The following RASA2 variants were observed in gnomAD, a reference collection of about 807,000 sequenced individuals.
RASA2 encodes the protein RAS p21 protein activator 2, also known as ras GTPase-activating protein 2.
A neutral mutation model predicts 118.2 loss-of-function variants in RASA2; 155 were observed. That is an observed-to-expected ratio of 1.31 (90% CI 1.15 to 1.50). The LOEUF is 1.50. Ranked by LOEUF, RASA2 falls within the 40% of genes most tolerant of loss-of-function variation. The probability of loss-of-function intolerance (pLI) is 0.00; values close to 1 mark genes in which losing one functional copy is unlikely to be tolerated. For synonymous variants in RASA2, 353 were observed against 349.1 expected (o/e 1.01, Z -0.12); for missense variants, 1,016 against 1,009.6 (o/e 1.01, Z -0.09).
At chr3:141,531,479 T>C (rs1172271782) in intron 4 of RASA2, among the ~76,000 whole-genome samples, 2 of 151,520 alleles carry the variant, frequency 1.3e-5, no homozygotes, top group African/African-American at 4.8e-5. Context: ...TATATGCATA[T>C]ATATGTATAT....
intron 3 of RASA2, among the ~76,000 whole-genome samples, chr3:141,523,662 T>C (rs1379923073): frequency 6.6e-6 from 1 of 152,134 alleles, no homozygotes; most frequent in Non-Finnish European, 1.5e-5. Flanking sequence ...ATTCAAGAGC[T>C]CAAACAAGTA....
At chr3:141,520,002 T>C (rs2082087149) in intron 3 of RASA2, among the ~76,000 whole-genome samples, 1 of 145,862 alleles carries the variant, frequency 6.9e-6, no homozygotes. Context: ...CTTTTCTTTT[T>C]CTTTTTCTCT....
intron 19 of RASA2, chr3:141,600,521 C>A: frequency 3.3e-6 from 1 of 305,282 alleles, no homozygotes. Context: ...GCCATGTCAT[C>A]GTAGTGCTCT....
intron 22 of RASA2, 109 bp downstream of exon 22, chr3:141,609,632 G>T: frequency 1.1e-6 from 1 of 922,230 alleles, no homozygotes; most frequent in Non-Finnish European, 1.5e-6. Context: ...TTACCAAAAT[G>T]TTATTTATTG....
Position 141,487,050 on chromosome 3 carries a change from G to GGCGGCAGGGCT in RASA2, c.-27_-17dup, listed in dbSNP as rs1402343142. The GGCGGCAGGGCT allele has an allele frequency of 3.4e-4, 414 of 1,200,922 alleles. 1 individual carries two copies. Among genetic ancestry groups the GGCGGCAGGGCT allele is most frequent in the Non-Finnish European group, 4.0e-4 (384 of 963,372 alleles). 74.4% of individuals were successfully genotyped at this position (1,200,922 alleles called of 1,614,324 possible). A position where few individuals can be genotyped will look rare whatever the true frequency, so the allele number is the denominator to read the frequency against. On this transcript the variant is annotated 5_prime_UTR_variant, in exon 1 of 24. Transcript: ENST00000286364. ...GGGCTCCGCCTCGCCCGGCTACGCA[G>GGCGGCAGGGCT]GCGGCAGGGCTGCGGCACGGGCCGG...
intron 1 of RASA2, among the ~76,000 whole-genome samples, chr3:141,502,718 A>G (rs911631340): frequency 5.9e-5 from 9 of 152,230 alleles, no homozygotes; most frequent in African/African-American, 2.2e-4. Context: ...TTTATTCAGT[A>G]AGTGGTAGCT....
chr3:141,587,920 G>A (rs1026851996), intron 19 of RASA2, among the ~76,000 whole-genome samples: 9 of 152,032 alleles, frequency 5.9e-5, no homozygotes, highest in African/African-American at 2.2e-4. Flanking sequence ...ACAAAAAGAT[G>A]CATATAGATC....
At chr3:141,510,790 G>T (rs1297685619) in intron 1 of RASA2, among the ~76,000 whole-genome samples, 1 of 152,210 alleles carries the variant, frequency 6.6e-6, no homozygotes. Context: ...CCGGGGTTGG[G>T]GGAATGGAAG....
At chr3:141,549,759 G>A (rs574877842) in intron 5 of RASA2, among the ~76,000 whole-genome samples, 68 of 152,218 alleles carry the variant, frequency 4.5e-4, no homozygotes, top group African/African-American at 1.6e-3. Flanking sequence ...CTCCTTTTTA[G>A]CAGTAGCTTA....
chr3:141,526,250 G>C (rs1560009222), intron 3 of RASA2: 1 of 152,110 alleles, frequency 6.6e-6, no homozygotes, highest in South Asian at 2.1e-4. Flanking sequence ...TCAGTTCAGT[G>C]CTCTTTCCAC....
intron 2 of RASA2, among the ~76,000 whole-genome samples, chr3:141,513,592 T>A (rs1207559155): frequency 6.6e-6 from 1 of 152,230 alleles, no homozygotes; most frequent in East Asian, 1.9e-4. Context: ...TTGATTTCTA[T>A]GTTGAAATTA....
At chr3:141,494,454 C>T (rs1481970571) in intron 1 of RASA2, among the ~76,000 whole-genome samples, 7 of 152,188 alleles carry the variant, frequency 4.6e-5, no homozygotes, top group African/African-American at 1.4e-4. Context: ...CTGCAACCTC[C>T]GCCTCCCGGG....
At chr3:141,560,515 G>C (rs964522844) in intron 9 of RASA2, among the ~76,000 whole-genome samples, 2 of 152,158 alleles carry the variant, frequency 1.3e-5, no homozygotes, top group Middle Eastern at 3.4e-3. Flanking sequence ...TTGTTGAGCT[G>C]GCACTTTTTA....
At chr3:141,510,919 AAT>A (rs2081941638) in intron 1 of RASA2, among the ~76,000 whole-genome samples, 1 of 152,176 alleles carries the variant, frequency 6.6e-6, no homozygotes, top group South Asian at 2.1e-4. Flanking sequence ...TAACCTAAAG[AAT>A]ATGTTTCAAA....
At chr3:141,527,655 T>G (rs1356250220) in intron 3 of RASA2, among the ~76,000 whole-genome samples, 1 of 152,048 alleles carries the variant, frequency 6.6e-6, no homozygotes, top group African/African-American at 2.4e-5. Context: ...TGTCATAATT[T>G]TATATCTTAA....
intron 5 of RASA2, among the ~76,000 whole-genome samples, chr3:141,546,706 G>A (rs935932984): frequency 1.3e-5 from 2 of 152,228 alleles, no homozygotes; most frequent in Admixed American, 6.5e-5. Flanking sequence ...GATCCCATTT[G>A]TCTATTTTCG....
chr3:141,559,983 C>G lies in RASA2; in HGVS notation c.851C>G (p.Ser284Cys), dbSNP rs1204554059. Reference sequence around the variant, plus strand: ...GTGAACGTATTAAGAACTGATTCCTCTCATCAAGCCTGGTAAGGGCCCAGC... The same window carrying G: ...GTGAACGTATTAAGAACTGATTCCTGTCATCAAGCCTGGTAAGGGCCCAGC... ...VPVNVLRTDS[S>C]HQAWYLLQPR... The change falls in exon 9 of 24, where the codon TCT becomes TGT. Residue 284 changes from serine (S) to cysteine (C), a missense_variant. Physicochemically the swap from Ser to Cys is moderately radical, Grantham distance 112. Around this residue, in one of 2 missense-constraint regions of RASA2, gnomAD observed 896 missense variants for 836.4 expected, o/e 1.07. Coordinates refer to ENST00000286364, the MANE Select transcript of RASA2 (RefSeq NM_006506.5). 1.2e-6 allele frequency: 2 copies of G among 1,612,434 alleles called. No homozygotes were observed. Among genetic ancestry groups the G allele is most frequent in the African/African-American group, 1.3e-5 (1 of 74,878 alleles).
chr3:141,548,421 T>C (rs2082520282), intron 5 of RASA2, among the ~76,000 whole-genome samples: 1 of 150,672 alleles, frequency 6.6e-6, no homozygotes, highest in Non-Finnish European at 1.5e-5. Flanking sequence ...GTTGTATATG[T>C]CCAGGAATTT....
At chr3:141,592,366 C>G (rs1002081611) in intron 19 of RASA2, among the ~76,000 whole-genome samples, 2 of 152,072 alleles carry the variant, frequency 1.3e-5, no homozygotes, top group Non-Finnish European at 1.5e-5. Context: ...AGAGAAAGCT[C>G]TTGTGGCTGG....
Sources: allele counts gnomAD v4.1 joint callset (sites outside exome capture counted in the v4.1 genomes callset), GRCh38; gene constraint gnomAD v4.1.1; regional missense constraint gnomAD v4.1.1; transcripts MANE v1.5; gene names NCBI Gene and HGNC (gene_info 2026-07-23, HGNC 2026-07-21).